Variants in UNC79 observed in about 807,000 individuals in gnomAD.
The protein encoded by UNC79 is protein unc-79 homolog.
Under a neutral mutation model 283.1 loss-of-function variants are expected in UNC79, and 37 were observed. The ratio of observed to expected loss-of-function variants is 0.13; its 90% CI spans 0.10 to 0.17. The LOEUF (loss-of-function observed/expected upper bound fraction) is 0.17. Among genes scored for constraint, UNC79 ranks in the 10% least tolerant of loss-of-function variants. The probability of loss-of-function intolerance (pLI) is 1.00; values close to 1 mark genes in which losing one functional copy is unlikely to be tolerated. For missense variants in UNC79, 2,272 were observed against 3,211.1 expected (o/e 0.71, Z 7.07); for synonymous variants, 1,107 against 1,200.2 (o/e 0.92, Z 1.61).
chr14:93,606,398 G>T (rs903084395), intron 26 of UNC79, among the ~76,000 whole-genome samples: 1 of 152,266 alleles, frequency 6.6e-6, no homozygotes, highest in South Asian at 2.1e-4. Flanking sequence ...GAAATAGCTG[G>T]CTCAGTTTAT....
chr14:93,532,303 CAAAAAAA>C (rs5810632), intron 10 of UNC79, among the ~76,000 whole-genome samples: 2 of 127,596 alleles, frequency 1.6e-5, no homozygotes, highest in Non-Finnish European at 3.3e-5. Context: ...CCCATGTCTA[CAAAAAAA>C]AAAAAAAAAA....
chr14:93,667,719 G>C (rs879280425), intron 40 of UNC79, among the ~76,000 whole-genome samples: 1 of 151,976 alleles, frequency 6.6e-6, no homozygotes, highest in Non-Finnish European at 1.5e-5. Flanking sequence ...AACCAGAGAA[G>C]GACAATAGGG....
chr14:93,578,582 A>C (rs1595926457), intron 18 of UNC79, among the ~76,000 whole-genome samples: 1 of 152,234 alleles, frequency 6.6e-6, no homozygotes, highest in East Asian at 1.9e-4. Context: ...AACATTTACC[A>C]CATCTGCTTC....
intron 26 of UNC79, among the ~76,000 whole-genome samples, chr14:93,603,963 A>T (rs1291434779): frequency 6.6e-6 from 1 of 152,216 alleles, no homozygotes; most frequent in Non-Finnish European, 1.5e-5. Flanking sequence ...ATTTATAAAT[A>T]AAAATAAGCT....
intron 41 of UNC79, among the ~76,000 whole-genome samples, chr14:93,677,940 G>A (rs900145670): frequency 3.3e-5 from 5 of 152,114 alleles, no homozygotes; most frequent in Non-Finnish European, 5.9e-5. Context: ...GAGCCACTGC[G>A]CCTGGCCTAG....
intron 1 of UNC79, among the ~76,000 whole-genome samples, chr14:93,370,664 C>G (rs1165848699): frequency 6.6e-6 from 1 of 151,990 alleles, no homozygotes; most frequent in Non-Finnish European, 1.5e-5. Context: ...CCTGGCTACT[C>G]GGGAGGCTGA....
At chr14:93,365,207 G>A (rs2054303923) in intron 1 of UNC79, among the ~76,000 whole-genome samples, 1 of 152,032 alleles carries the variant, frequency 6.6e-6, no homozygotes, top group African/African-American at 2.4e-5. Context: ...CCAACATGGT[G>A]AAACCCTGTC....
chr14:93,380,633 G>C (rs970569210), intron 1 of UNC79, among the ~76,000 whole-genome samples: 1 of 152,144 alleles, frequency 6.6e-6, no homozygotes, highest in Admixed American at 6.5e-5. Context: ...TAGACTATAA[G>C]CTCCATGAAG....
In UNC79 at chr14:93,617,312, G is replaced by A; in HGVS notation, c.4224+8G>A. 1 of 1,613,598 alleles carries A rather than the reference G, an allele frequency of 6.2e-7. No homozygotes were observed. The highest frequency in any genetic ancestry group is 1.7e-4 in the Middle Eastern group (1 of 6,060). ...CTTGTCATCCTTTACAAGGTGAGCT[G>A]GGTGGTCACTGCTGTTTTGGATGCA... is the stretch of plus-strand genomic sequence containing the variant. On this transcript the variant is annotated splice_region_variant and intron_variant, in intron 28 of 48. Transcript: ENST00000555664. This position sits in a 1 kb window ranked among gnomAD's most constrained non-coding sequence, Gnocchi z 4.5.
chr14:93,366,817 C>G (rs2054344736), intron 1 of UNC79, among the ~76,000 whole-genome samples: 1 of 152,116 alleles, frequency 6.6e-6, no homozygotes, highest in African/African-American at 2.4e-5. Flanking sequence ...AGGTGATCCA[C>G]CTGCCTCAGC....
chr14:93,404,550 T>C (rs1168634110), intron 1 of UNC79, among the ~76,000 whole-genome samples: 7 of 133,812 alleles, frequency 5.2e-5, no homozygotes, highest in Non-Finnish European at 8.0e-5. Context: ...TAATATAATA[T>C]ATATGTAATC....
chr14:93,621,328 G>C lies in UNC79; in HGVS notation c.4388-293G>C, dbSNP rs2067116446. 6.6e-6 allele frequency among the ~76,000 whole-genome samples: 1 copy of C among 152,116 alleles called. No individual in the cohort carries two copies. The highest frequency in any genetic ancestry group is 1.5e-5 in the Non-Finnish European group (1 of 68,020). ...AATACAGTTTCCTAGATCTGCCTCA[G>C]CCAAAAAATGATCCCCTCTCCTATG... is the stretch of plus-strand genomic sequence containing the variant. On this transcript the variant is annotated intron_variant, in intron 29 of 48. Transcript: ENST00000555664. The surrounding 1 kb of genome is among the most constrained non-coding windows in gnomAD (Gnocchi z 4.8).
intron 1 of UNC79, among the ~76,000 whole-genome samples, chr14:93,410,894 T>C (rs908798028): frequency 1.9e-4 from 29 of 151,912 alleles, no homozygotes; most frequent in Non-Finnish European, 3.8e-4. Context: ...GTGGTGGCTA[T>C]GGGGAGAGAC....
chr14:93,630,534 T>C (rs2067942295), intron 30 of UNC79, among the ~76,000 whole-genome samples: 1 of 152,218 alleles, frequency 6.6e-6, no homozygotes, highest in Non-Finnish European at 1.5e-5. Context: ...GGGATATGCA[T>C]TGTGAACAGC....
At chr14:93,362,121 T>C (rs1457404390) in intron 1 of UNC79, among the ~76,000 whole-genome samples, 1 of 152,218 alleles carries the variant, frequency 6.6e-6, no homozygotes, top group East Asian at 1.9e-4. Flanking sequence ...TGAATCTCTG[T>C]TCATCAGGCA....
At chr14:93,643,586 A>T in exon 34 of UNC79, 1 of 1,613,932 alleles carries the variant, frequency 6.2e-7, no homozygotes, top group South Asian at 1.1e-5. Flanking sequence ...ATTCTTGAAG[A>T]ATACGATGAA....
chr14:93,397,754 TG>T (rs1009005032), intron 1 of UNC79, among the ~76,000 whole-genome samples: 5 of 133,648 alleles, frequency 3.7e-5, no homozygotes, highest in Non-Finnish European at 6.2e-5. Flanking sequence ...GAACAATGGT[TG>T]GAGTCATTTT....
At chr14:93,598,365 C>CGTGTGTGTGTGTGT (rs71301930) in intron 24 of UNC79, among the ~76,000 whole-genome samples, 1 of 64,020 alleles carries the variant, frequency 1.6e-5, no homozygotes, top group African/African-American at 4.1e-5. Context: ...TATTGCATAA[C>CGTGTGTGTGTGTGT]GTGTGTGTGT....
At chr14:93,539,498 G>C (rs1230213948) in intron 12 of UNC79, among the ~76,000 whole-genome samples, 4 of 151,680 alleles carry the variant, frequency 2.6e-5, no homozygotes, top group African/African-American at 9.7e-5. Flanking sequence ...TCCAGCCTGG[G>C]AGACAGAGCA....
Sources: gnomAD v4.1 joint callset for allele counts (sites outside exome capture counted in the v4.1 genomes callset) on GRCh38, gnomAD v4.1.1 for gene constraint, Gnocchi (gnomAD v3.1) non-coding constraint, MANE v1.5 for transcripts, NCBI Gene and HGNC (gene_info 2026-07-23, HGNC 2026-07-21) for gene names.